Variants in CDK6 observed in about 807,000 individuals in gnomAD.
CDK6 encodes cyclin-dependent kinase 6.
CDK6 carries 6 observed loss-of-function variants against 37.1 expected under a neutral mutation model. The ratio of observed to expected loss-of-function variants is 0.16; its 90% CI spans 0.09 to 0.32. The LOEUF (loss-of-function observed/expected upper bound fraction) is 0.32, where lower values mean the gene tolerates loss of function less well. Among genes scored for constraint, CDK6 ranks in the 10% least tolerant of loss-of-function variants. CDK6 has a pLI of 1.00. For synonymous variants in CDK6, 160 were observed against 161.3 expected, an observed-to-expected ratio of 0.99 and a Z score of 0.06; for missense variants, 224 against 418.9, an observed-to-expected ratio of 0.53 and a Z score of 4.06.
chr7:92,693,322 A>G (rs903037294), intron 4 of CDK6, among the ~76,000 whole-genome samples: 5 of 152,164 alleles, frequency 3.3e-5, no homozygotes, highest in South Asian at 2.1e-4. Flanking sequence ...GTTCACAGAG[A>G]AACCCTGATC....
intron 2 of CDK6, among the ~76,000 whole-genome samples, chr7:92,831,992 C>T (rs1801497457): frequency 6.6e-6 from 1 of 152,172 alleles, no homozygotes; most frequent in African/African-American, 2.4e-5. Flanking sequence ...TCATCCTCAG[C>T]GCACACAGTA....
At chr7:92,636,079 C>T (rs1464961838) in intron 5 of CDK6, among the ~76,000 whole-genome samples, 8 of 151,998 alleles carry the variant, frequency 5.3e-5, no homozygotes, top group African/African-American at 1.7e-4. Context: ...TTTTTTGAGA[C>T]AAGATCTCAT....
At chr7:92,800,715 G>A (rs1304090830) in intron 2 of CDK6, among the ~76,000 whole-genome samples, 1 of 152,194 alleles carries the variant, frequency 6.6e-6, no homozygotes, top group South Asian at 2.1e-4. Flanking sequence ...TCTATGCCAT[G>A]TACTGCTATT....
In CDK6 at chr7:92,607,520, A is replaced by G. The variant is rs575726914; in HGVS notation, c.*7620T>C. Reference sequence around the variant, plus strand: ...TATATTCAAATCTACTAATCATGTTACAAATGCATGCAGCTTATTTGGGGG... The same window carrying G: ...TATATTCAAATCTACTAATCATGTTGCAAATGCATGCAGCTTATTTGGGGG... On this transcript the variant is annotated 3_prime_UTR_variant, in exon 8 of 8. Transcript: ENST00000424848. 4.3e-6 allele frequency: 1 copy of G among 233,008 alleles called. No homozygotes were observed. Among genetic ancestry groups the G allele is most frequent in the East Asian group, 6.1e-5 (1 of 16,482 alleles). The allele number at this position is 233,008 out of a possible 1,614,324, so 14.4% of individuals were successfully genotyped here. A position where few individuals can be genotyped will look rare whatever the true frequency, so the allele number is the denominator to read the frequency against.
At chr7:92,769,326 T>G (rs1799655295) in intron 3 of CDK6, among the ~76,000 whole-genome samples, 3 of 152,256 alleles carry the variant, frequency 2.0e-5, no homozygotes, top group Middle Eastern at 3.4e-3. Flanking sequence ...ATAGAATTCA[T>G]TTATCATAAA....
At chr7:92,690,288 G>C (rs1353012227) in intron 4 of CDK6, among the ~76,000 whole-genome samples, 1 of 152,030 alleles carries the variant, frequency 6.6e-6, no homozygotes, top group African/African-American at 2.4e-5. Context: ...TTCACCTTGA[G>C]ATAATTTTTG....
chr7:92,796,159 T>C lies in CDK6; in HGVS notation c.234-21328A>G, dbSNP rs1254012138. On this transcript the variant is annotated intron_variant, in intron 2 of 7. Coordinates refer to ENST00000424848, the MANE Select transcript of CDK6 (RefSeq NM_001145306.2). ...ATGCATGTATCAGTTTTTTTTTCTG[T>C]AATGAGCAACAGATTTTTTGAAAAA... Among the ~76,000 whole-genome samples, 3 of 151,614 alleles carry C rather than the reference T, an allele frequency of 2.0e-5. No individual in the cohort carries two copies. In the East Asian group the frequency reaches 5.8e-4, roughly 29 times the overall value.
At chr7:92,728,698 G>A (rs1272115479) in intron 3 of CDK6, among the ~76,000 whole-genome samples, 1 of 152,156 alleles carries the variant, frequency 6.6e-6, no homozygotes, top group African/African-American at 2.4e-5. Context: ...TGTGTATGAT[G>A]CCTATAGATG....
At chr7:92,785,610 C>T (rs568527481) in intron 2 of CDK6, among the ~76,000 whole-genome samples, 1 of 152,062 alleles carries the variant, frequency 6.6e-6, no homozygotes, top group Non-Finnish European at 1.5e-5. Context: ...TAATACTTTG[C>T]CTAAAGTACA....
At chr7:92,692,974 A>G (rs911681589) in intron 4 of CDK6, among the ~76,000 whole-genome samples, 2 of 152,192 alleles carry the variant, frequency 1.3e-5, no homozygotes, top group African/African-American at 4.8e-5. Flanking sequence ...ACTCACTTTC[A>G]TCTCTGGTAC....
chr7:92,640,320 A>G (rs1294831911), intron 5 of CDK6, among the ~76,000 whole-genome samples: 1 of 152,242 alleles, frequency 6.6e-6, no homozygotes, highest in Non-Finnish European at 1.5e-5. Flanking sequence ...CTAGCCTATC[A>G]TAAACAGGAA....
chr7:92,629,592 T>C (rs1043520195), intron 5 of CDK6, among the ~76,000 whole-genome samples: 1 of 152,140 alleles, frequency 6.6e-6, no homozygotes, highest in South Asian at 2.1e-4. Flanking sequence ...TAAGCGGTCG[T>C]TGAGATGAAA....
chr7:92,732,254 C>T (rs2115586632), intron 3 of CDK6, among the ~76,000 whole-genome samples: 1 of 151,944 alleles, frequency 6.6e-6, no homozygotes, highest in East Asian at 1.9e-4. Flanking sequence ...CCTGTCTCTA[C>T]AAAAAACAAA....
intron 5 of CDK6, among the ~76,000 whole-genome samples, chr7:92,654,797 T>C (rs1007350025): frequency 1.3e-5 from 2 of 152,114 alleles, no homozygotes; most frequent in African/African-American, 2.4e-5. Context: ...GGAATAAAGA[T>C]CTACCTATTT....
At chr7:92,718,762 TATC>T (rs1798296192) in intron 4 of CDK6, among the ~76,000 whole-genome samples, 1 of 152,210 alleles carries the variant, frequency 6.6e-6, no homozygotes, top group Non-Finnish European at 1.5e-5. Context: ...TCTTGAGCCT[TATC>T]ATATGGCCTC....
chr7:92,677,020 A>C (rs1287119821), intron 4 of CDK6, among the ~76,000 whole-genome samples: 1 of 152,030 alleles, frequency 6.6e-6, no homozygotes, highest in Admixed American at 6.6e-5. Context: ...ATGATATGAC[A>C]TCTACTCATC....
intron 2 of CDK6, among the ~76,000 whole-genome samples, chr7:92,793,341 AT>A (rs1406979935): frequency 3.9e-5 from 6 of 152,164 alleles, no homozygotes; most frequent in African/African-American, 1.4e-4. Flanking sequence ...GCACTTCTCA[AT>A]TTCAAAACTT....
chr7:92,639,549 A>C (rs1032678629), intron 5 of CDK6, among the ~76,000 whole-genome samples: 1 of 152,216 alleles, frequency 6.6e-6, no homozygotes, highest in African/African-American at 2.4e-5. Flanking sequence ...TGTCTTAGGC[A>C]CCACCATGCT....
At chr7:92,774,669 A>G in intron 3 of CDK6, 27 bp downstream of exon 3, 1 of 1,564,444 alleles carries the variant, frequency 6.4e-7, no homozygotes, top group South Asian at 1.2e-5. Context: ...CGACTGCCTG[A>G]TAAGACATGA....
Sources: allele counts gnomAD v4.1 joint callset (sites outside exome capture counted in the v4.1 genomes callset), GRCh38; gene constraint gnomAD v4.1.1; transcripts MANE v1.5; gene names NCBI Gene and HGNC (gene_info 2026-07-23, HGNC 2026-07-21).